The following INSL6 variants were observed in gnomAD, a reference collection of about 807,000 sequenced individuals.
INSL6 encodes insulin-like peptide INSL6.
INSL6 carries 16 observed loss-of-function variants against 9.4 expected under a neutral mutation model. The observed-to-expected ratio is 1.70, with a 90% CI of 1.15 to 2.59. The LOEUF (loss-of-function observed/expected upper bound fraction) is 2.59. INSL6 is among the 30% of genes most tolerant of loss of function. The probability of loss-of-function intolerance (pLI) is 0.00; values close to 1 mark genes in which losing one functional copy is unlikely to be tolerated. For missense variants in INSL6, 391 were observed against 257.3 expected, an observed-to-expected ratio of 1.52 and a Z score of -3.56; for synonymous variants, 154 against 96.9, an observed-to-expected ratio of 1.59 and a Z score of -3.46.
At chr9:5,007,837 C>T in the INSL6 span, among the ~76,000 whole-genome samples, 1 of 151,914 alleles carries the variant, frequency 6.6e-6, no homozygotes, top group Non-Finnish European at 1.5e-5. Flanking sequence ...AAGCAATTCT[C>T]CTATCTCAGC....
chr9:5,144,390 T>C (rs570706143), intron 2 of INSL6, among the ~76,000 whole-genome samples: 4 of 152,222 alleles, frequency 2.6e-5, no homozygotes, highest in Non-Finnish European at 4.4e-5. Flanking sequence ...TTCAGTTCTT[T>C]TGTATTTGCT....
chr9:5,114,248 C>A, the INSL6 span: 1 of 535,926 alleles, frequency 1.9e-6, no homozygotes. Flanking sequence ...TGCCCACAAT[C>A]ACCTGTCTGG....
chr9:5,072,005 C>A, the INSL6 span, among the ~76,000 whole-genome samples: 1 of 152,148 alleles, frequency 6.6e-6, no homozygotes, highest in East Asian at 1.9e-4. Context: ...CATAACAATC[C>A]TATGGGAAAA....
At chr9:5,003,193 G>C in the INSL6 span, among the ~76,000 whole-genome samples, 1 of 151,726 alleles carries the variant, frequency 6.6e-6, no homozygotes, top group African/African-American at 2.4e-5. Flanking sequence ...GATTGTTTTG[G>C]CTATTGTAAA....
At chr9:5,066,070 G>A in the INSL6 span, among the ~76,000 whole-genome samples, 1 of 152,170 alleles carries the variant, frequency 6.6e-6, no homozygotes, top group East Asian at 1.9e-4. Flanking sequence ...ACTACTATGT[G>A]CAAGCATTGG....
the INSL6 span, chr9:5,086,134 G>T: frequency 2.5e-6 from 1 of 392,680 alleles, no homozygotes; most frequent in Non-Finnish European, 4.5e-6. Context: ...GCGCGGCCCC[G>T]GCGGCCCCGC....
chr9:5,129,361 T>C (rs1256926448), intron 3 of INSL6, among the ~76,000 whole-genome samples: 1 of 152,140 alleles, frequency 6.6e-6, no homozygotes, highest in East Asian at 1.9e-4. Context: ...GATGTTGTGA[T>C]AGCTTACCTT....
At chr9:5,169,080 C>T (rs1825124220) in intron 1 of INSL6, among the ~76,000 whole-genome samples, 1 of 152,124 alleles carries the variant, frequency 6.6e-6, no homozygotes, top group Non-Finnish European at 1.5e-5. Flanking sequence ...GCATGCGCCA[C>T]CATGCCCGGC....
chr9:5,010,948 C>T, the INSL6 span, among the ~76,000 whole-genome samples: 8 of 152,316 alleles, frequency 5.3e-5, no homozygotes, highest in African/African-American at 1.9e-4. Flanking sequence ...CTCTCCCTAC[C>T]AGTACTTTGT....
At chr9:5,141,629 G>C (rs896862612) in intron 2 of INSL6, among the ~76,000 whole-genome samples, 1 of 152,110 alleles carries the variant, frequency 6.6e-6, no homozygotes, top group Non-Finnish European at 1.5e-5. Flanking sequence ...ACCTTTGTCA[G>C]ATGCATAGTT....
At chr9:5,101,196 A>G in the INSL6 span, among the ~76,000 whole-genome samples, 2 of 152,212 alleles carry the variant, frequency 1.3e-5, no homozygotes, top group East Asian at 1.9e-4. Flanking sequence ...TGCTTTTCCA[A>G]CAGTCTTACC....
chr9:5,063,172 C>T, the INSL6 span, among the ~76,000 whole-genome samples: 12 of 152,052 alleles, frequency 7.9e-5, no homozygotes, highest in African/African-American at 2.9e-4. Flanking sequence ...ATTGCTGGGC[C>T]AAGAAATATG....
chr9:5,182,642 T>C (rs1287205854), intron 1 of INSL6, among the ~76,000 whole-genome samples: 1 of 151,480 alleles, frequency 6.6e-6, no homozygotes, highest in East Asian at 1.9e-4. Flanking sequence ...ATCTGAAACA[T>C]AAAGAAACAA....
chr9:5,111,220 T>G, the INSL6 span: 1 of 582,074 alleles, frequency 1.7e-6, no homozygotes, highest in Non-Finnish European at 3.2e-6. Context: ...CAAGAGCAGC[T>G]AGCGCGGGCC....
chr9:5,030,732 T>C, the INSL6 span, among the ~76,000 whole-genome samples: 1 of 152,122 alleles, frequency 6.6e-6, no homozygotes, highest in Admixed American at 6.5e-5. Context: ...CTTGGTGCTC[T>C]CTCAATAAAT....
chr9:5,131,460 A>ATC (rs1491324451), intron 3 of INSL6, among the ~76,000 whole-genome samples: 1 of 65,416 alleles, frequency 1.5e-5, no homozygotes, highest in Non-Finnish European at 2.8e-5. Context: ...TTTTTGAGAC[A>ATC]GAGTTTTGCT....
the INSL6 span, among the ~76,000 whole-genome samples, chr9:5,104,810 C>T: frequency 2.0e-5 from 3 of 152,170 alleles, no homozygotes; most frequent in Non-Finnish European, 4.4e-5. Context: ...ACAAAAACCA[C>T]ATGATTATTT....
At chr9:5,000,901 C>A in the INSL6 span, among the ~76,000 whole-genome samples, 1 of 152,198 alleles carries the variant, frequency 6.6e-6, no homozygotes, top group Admixed American at 6.5e-5. Context: ...CTGTCAGGTT[C>A]TTTCCTGTTT....
the INSL6 span, among the ~76,000 whole-genome samples, chr9:4,996,363 G>A: frequency 1.3e-5 from 2 of 152,026 alleles, no homozygotes; most frequent in Non-Finnish European, 2.9e-5. Flanking sequence ...CAGGAGAATC[G>A]CTTGTACCTG....
Sources: allele counts gnomAD v4.1 joint callset (sites outside exome capture counted in the v4.1 genomes callset), GRCh38; gene constraint gnomAD v4.1.1; transcripts MANE v1.5; gene names NCBI Gene and HGNC (gene_info 2026-07-23, HGNC 2026-07-21).